Variants in PHF24 observed in about 807,000 individuals in gnomAD.
PHF24 encodes the protein Galpha inhibitory interacting protein.
In PHF24, 25 loss-of-function variants were observed where a neutral mutation model predicts 42.6. That is an observed-to-expected ratio of 0.59 (90% confidence interval 0.43 to 0.82). The LOEUF is 0.82. Among genes scored for constraint, PHF24 ranks in the 40% least tolerant of loss-of-function variants. PHF24 has a pLI of 0.00. For missense variants in PHF24, 470 were observed against 538.1 expected (o/e 0.87, Z 1.25); for synonymous variants, 185 against 204.8 (o/e 0.90, Z 0.83).
the PHF24 span, among the ~76,000 whole-genome samples, chr9:34,896,309 A>G: frequency 2.6e-5 from 4 of 152,232 alleles, no homozygotes; most frequent in Admixed American, 1.3e-4. Flanking sequence ...TGAGAGGTTC[A>G]GAAAGAGGGC....
the PHF24 span, among the ~76,000 whole-genome samples, chr9:34,727,773 T>C: frequency 6.6e-6 from 1 of 152,228 alleles, no homozygotes; most frequent in East Asian, 1.9e-4. Context: ...TTATGAATTA[T>C]ACACTAGTAA....
At chr9:34,753,844 C>G in the PHF24 span, among the ~76,000 whole-genome samples, 1 of 152,034 alleles carries the variant, frequency 6.6e-6, no homozygotes, top group Non-Finnish European at 1.5e-5. Context: ...GCATCTACAG[C>G]GAACTCATTT....
chr9:34,725,030 A>T, the PHF24 span: 1 of 1,551,914 alleles, frequency 6.4e-7, no homozygotes, highest in South Asian at 1.2e-5. Flanking sequence ...CATCCAGGGC[A>T]TAACTTTGTG....
the PHF24 span, among the ~76,000 whole-genome samples, chr9:34,836,628 A>G: frequency 6.6e-6 from 1 of 152,312 alleles, no homozygotes; most frequent in South Asian, 2.1e-4. Context: ...GGGCTGTGCC[A>G]GGAACTGGAC....
At chr9:34,721,237 T>G in the PHF24 span, among the ~76,000 whole-genome samples, 1 of 152,184 alleles carries the variant, frequency 6.6e-6, no homozygotes, top group African/African-American at 2.4e-5. Flanking sequence ...AATTTATCCA[T>G]CTCCACTGGA....
chr9:34,879,508 A>C, the PHF24 span, among the ~76,000 whole-genome samples: 2 of 152,160 alleles, frequency 1.3e-5, no homozygotes, highest in Non-Finnish European at 2.9e-5. Flanking sequence ...ATAGACCTTA[A>C]ATGACCTGAT....
chr9:34,918,066 C>T, the PHF24 span: 7 of 1,428,274 alleles, frequency 4.9e-6, no homozygotes, highest in Admixed American at 3.3e-5. Context: ...GGACAAGGCC[C>T]GACACCTAAC....
At chr9:34,830,479 T>A in the PHF24 span, among the ~76,000 whole-genome samples, 3 of 152,316 alleles carry the variant, frequency 2.0e-5, no homozygotes, top group South Asian at 4.1e-4. Flanking sequence ...CCAGGGAGAC[T>A]AGTGCCTGCC....
chr9:34,947,346 G>A, the PHF24 span, among the ~76,000 whole-genome samples: 1 of 152,176 alleles, frequency 6.6e-6, no homozygotes, highest in Non-Finnish European at 1.5e-5. Flanking sequence ...TATAGCCACT[G>A]TAAGTCACAG....
At chr9:34,723,315 C>T in the PHF24 span, 14 of 1,551,550 alleles carry the variant, frequency 9.0e-6, no homozygotes, top group Non-Finnish European at 1.2e-5. Flanking sequence ...AGGGCTGAGG[C>T]AGAGCCAGGT....
At chr9:34,982,407 G>A (rs1827427762) in exon 8 of PHF24, 2 of 152,276 alleles carry the variant, frequency 1.3e-5, no homozygotes, top group South Asian at 2.1e-4. Context: ...AAGCTGAGGG[G>A]AACGTCCCCA....
the PHF24 span, among the ~76,000 whole-genome samples, chr9:34,768,356 G>A: frequency 6.6e-6 from 1 of 152,282 alleles, no homozygotes; most frequent in Admixed American, 6.5e-5. Flanking sequence ...TTTCTGGAAA[G>A]TTACAGCAAA....
At chr9:34,906,425 G>A in the PHF24 span, among the ~76,000 whole-genome samples, 1 of 152,120 alleles carries the variant, frequency 6.6e-6, no homozygotes, top group Non-Finnish European at 1.5e-5. Flanking sequence ...GTGGTTAAAG[G>A]TGTAAAGTTT....
chr9:34,695,748 A>T, the PHF24 span, among the ~76,000 whole-genome samples: 1 of 152,224 alleles, frequency 6.6e-6, no homozygotes, highest in African/African-American at 2.4e-5. Flanking sequence ...ACTTATGGGT[A>T]CCCAGAGGTC....
At chr9:34,723,011 T>G in the PHF24 span, 1 of 628,674 alleles carries the variant, frequency 1.6e-6, no homozygotes, top group Non-Finnish European at 2.6e-6. Flanking sequence ...ACACCTTCCC[T>G]TAACACAATA....
chr9:34,966,811 C>T (rs35288758), intron 1 of PHF24, among the ~76,000 whole-genome samples: 22,964 of 152,136 alleles, frequency 0.15, 2,355 homozygotes, highest in Non-Finnish European at 0.22. Context: ...AAGCAATCCT[C>T]ATGCTTCAGC....
At chr9:34,918,098 C>T in the PHF24 span, 1 of 1,540,732 alleles carries the variant, frequency 6.5e-7, no homozygotes, top group Non-Finnish European at 9.0e-7. Flanking sequence ...AAACCTCCAA[C>T]ATCAACAACT....
At chr9:34,689,133 C>A in the PHF24 span, among the ~76,000 whole-genome samples, 1 of 152,140 alleles carries the variant, frequency 6.6e-6, no homozygotes, top group East Asian at 1.9e-4. The surrounding 1 kb of genome is among the most constrained non-coding windows in gnomAD (Gnocchi z 4.1). Context: ...AGAGCTGGGC[C>A]CTTTGCCCCA....
the PHF24 span, among the ~76,000 whole-genome samples, chr9:34,908,952 A>G: frequency 1.3e-5 from 2 of 150,948 alleles, no homozygotes; most frequent in Admixed American, 1.3e-4. Context: ...GGTTCAAGCA[A>G]TTCTCCTGCC....
Sources: gnomAD v4.1 joint callset for allele counts (sites outside exome capture counted in the v4.1 genomes callset) on GRCh38, gnomAD v4.1.1 for gene constraint, Gnocchi (gnomAD v3.1) non-coding constraint, MANE v1.5 for transcripts, NCBI Gene and HGNC (gene_info 2026-07-23, HGNC 2026-07-21) for gene names.